SLC44A5: variants seen among roughly 807,000 people sequenced by gnomAD.
SLC44A5 encodes solute carrier family 44 member 5, also known as choline transporter-like protein 5.
Under a neutral mutation model 101.8 loss-of-function variants are expected in SLC44A5, and 57 were observed. The ratio of observed to expected loss-of-function variants is 0.56; its 90% CI spans 0.45 to 0.70. SLC44A5 has a LOEUF of 0.70. SLC44A5 is among the 30% of genes least tolerant of loss of function. The pLI is 0.00. For synonymous variants in SLC44A5, 281 were observed against 290.9 expected, an observed-to-expected ratio of 0.97 and a Z score of 0.35; for missense variants, 737 against 853.1, an observed-to-expected ratio of 0.86 and a Z score of 1.70.
intron 2 of SLC44A5, among the ~76,000 whole-genome samples, chr1:75,527,325 G>A (rs1670473995): frequency 6.7e-6 from 1 of 148,316 alleles, no homozygotes; most frequent in South Asian, 2.2e-4. Flanking sequence ...AGGGAGGGAG[G>A]GAGGGAGGAG....
chr1:75,241,961 G>A, intron 9 of SLC44A5, 40 bp downstream of exon 9: 2 of 1,539,410 alleles, frequency 1.3e-6, no homozygotes, highest in Non-Finnish European at 1.8e-6. Flanking sequence ...TAGCATTTTG[G>A]TAGATCCTAT....
chr1:75,444,742 G>A (rs1054440925), intron 2 of SLC44A5, among the ~76,000 whole-genome samples: 2 of 152,062 alleles, frequency 1.3e-5, no homozygotes, highest in Admixed American at 6.6e-5. Context: ...TAAGGGGAGG[G>A]TTCCATCCTA....
chr1:75,451,452 C>T (rs949048899), intron 2 of SLC44A5, among the ~76,000 whole-genome samples: 4 of 151,922 alleles, frequency 2.6e-5, no homozygotes, highest in South Asian at 2.1e-4. Flanking sequence ...GCATTCTCTA[C>T]CATCGTACTC....
intron 3 of SLC44A5, among the ~76,000 whole-genome samples, chr1:75,383,221 TC>T (rs1364139083): frequency 5.2e-5 from 6 of 116,390 alleles, no homozygotes; most frequent in Non-Finnish European, 8.8e-5. Flanking sequence ...GCTGACCCTC[TC>T]CCCACAATTG....
At chr1:75,394,888 G>T (rs532949556) in intron 3 of SLC44A5, among the ~76,000 whole-genome samples, 1 of 152,194 alleles carries the variant, frequency 6.6e-6, no homozygotes, top group East Asian at 1.9e-4. Context: ...GGATCTGGGA[G>T]TGTTTCCCTC....
At chr1:75,426,587 A>T (rs1035783235) in intron 2 of SLC44A5, among the ~76,000 whole-genome samples, 1 of 152,230 alleles carries the variant, frequency 6.6e-6, no homozygotes, top group African/African-American at 2.4e-5. Flanking sequence ...TTCCTAAAAA[A>T]ATTATTTTGG....
intron 2 of SLC44A5, among the ~76,000 whole-genome samples, chr1:75,444,747 A>G (rs1405981057): frequency 1.3e-5 from 2 of 152,264 alleles, no homozygotes; most frequent in Admixed American, 6.5e-5. Context: ...GGAGGGTTCC[A>G]TCCTACAGTG....
intron 1 of SLC44A5, among the ~76,000 whole-genome samples, chr1:75,563,242 T>G (rs532684907): frequency 1.3e-5 from 2 of 152,278 alleles, no homozygotes; most frequent in East Asian, 3.9e-4. Flanking sequence ...TAAAACTAAA[T>G]TAAGCAGTTA....
At chr1:75,436,090 C>T (rs1055231714) in intron 2 of SLC44A5, among the ~76,000 whole-genome samples, 2 of 152,014 alleles carry the variant, frequency 1.3e-5, no homozygotes, top group Non-Finnish European at 2.9e-5. Context: ...TATTTTATTT[C>T]CTGACTATAA....
intron 2 of SLC44A5, among the ~76,000 whole-genome samples, chr1:75,445,583 A>G (rs1224354120): frequency 1.6e-4 from 12 of 75,090 alleles, no homozygotes; most frequent in Admixed American, 4.0e-4. Flanking sequence ...CCTTTCCTGG[A>G]TTTTTCTCCT....
At chr1:75,682,049 G>T in the SLC44A5 span, among the ~76,000 whole-genome samples, 61 of 152,244 alleles carry the variant, frequency 4.0e-4, no homozygotes, top group African/African-American at 1.4e-3. Flanking sequence ...ACTTACAAAG[G>T]ATGTGAAGGA....
rs780123778 is a variant in SLC44A5 at position 75,234,076 on chromosome 1, G to A, written c.763C>T (p.Leu255Phe). 8.3e-5 allele frequency: 134 copies of A among 1,612,860 alleles called. 1 individual carries two copies. The highest frequency in any genetic ancestry group is 1.1e-4 in the Non-Finnish European group (131 of 1,179,358). ...ILIGLTIAMV[L>F]SWIFLILLRF... ...AGAAGTATCAAAAATATCCAACTAA[G>A]GACCATGGCAATCGTCAGGCCACTA... The change falls in exon 12 of 24, where the codon CTT (leucine) becomes TTT (phenylalanine). Residue 255 changes from leucine (L) to phenylalanine (F), a missense_variant. Leu to Phe is a conservative substitution (Grantham distance 22, BLOSUM62 0). Around this residue, in one of 3 missense-constraint regions of SLC44A5, gnomAD observed 665 missense variants for 764.4 expected, o/e 0.87. Coordinates refer to ENST00000370859, the MANE Select transcript of SLC44A5 (RefSeq NM_001130058.2).
intron 4 of SLC44A5, among the ~76,000 whole-genome samples, chr1:75,338,705 G>T (rs527394795): frequency 3.3e-5 from 5 of 152,188 alleles, no homozygotes; most frequent in African/African-American, 4.8e-5. Flanking sequence ...CAAATGACTT[G>T]TTTTTTTACA....
chr1:75,360,737 G>T (rs1443811526), intron 3 of SLC44A5, among the ~76,000 whole-genome samples: 4 of 151,068 alleles, frequency 2.6e-5, no homozygotes, highest in African/African-American at 9.9e-5. Context: ...TATGAAATCA[G>T]GGGGTGCAAT....
chr1:75,219,725 CA>C, intron 15 of SLC44A5, 74 bp downstream of exon 15: 1 of 935,246 alleles, frequency 1.1e-6, no homozygotes, highest in South Asian at 1.5e-5. Context: ...GGATAGAAAA[CA>C]CTGAACACAA....
rs141699491 is a variant in SLC44A5, at chr1:75,593,791, A to G, written c.-70+17249T>C. Reference sequence around the variant, plus strand: ...TTCATGGGATCTAAAAATCAAAACAATTGAACTCATGGAGATAGAGAGTAG... The same window carrying G: ...TTCATGGGATCTAAAAATCAAAACAGTTGAACTCATGGAGATAGAGAGTAG... On this transcript the variant is annotated intron_variant, in intron 1 of 23. Transcript: ENST00000370859. Among the ~76,000 whole-genome samples, 507 of 152,168 alleles carry G rather than the reference A, an allele frequency of 3.3e-3. 2 individuals carry two copies. The highest frequency in any genetic ancestry group is 5.2e-3 in the Admixed American group (80 of 15,288).
At chr1:75,259,411 A>G (rs1283336905) in intron 6 of SLC44A5, among the ~76,000 whole-genome samples, 1 of 152,214 alleles carries the variant, frequency 6.6e-6, no homozygotes, top group African/African-American at 2.4e-5. Context: ...GAATCGATCA[A>G]GTGGAAGAAA....
intron 4 of SLC44A5, among the ~76,000 whole-genome samples, chr1:75,336,699 T>C (rs1322146971): frequency 2.0e-5 from 3 of 152,192 alleles, no homozygotes; most frequent in Non-Finnish European, 2.9e-5. Context: ...TTTGACCTAA[T>C]ATAAAAAGAG....
chr1:75,566,499 A>G (rs886682343), intron 1 of SLC44A5, among the ~76,000 whole-genome samples: 2 of 152,218 alleles, frequency 1.3e-5, no homozygotes, highest in African/African-American at 4.8e-5. Context: ...GAAATAAATC[A>G]TGCTGCTAAA....
Sources: gnomAD v4.1 joint callset for allele counts (sites outside exome capture counted in the v4.1 genomes callset) on GRCh38, gnomAD v4.1.1 for gene constraint, gnomAD v4.1.1 regional missense constraint, MANE v1.5 for transcripts, NCBI Gene and HGNC (gene_info 2026-07-23, HGNC 2026-07-21) for gene names.